FANCD2: variants seen among roughly 807,000 people sequenced by gnomAD.
The protein encoded by FANCD2 is FA complementation group D2.
A neutral mutation model predicts 192.3 loss-of-function variants in FANCD2; 131 were observed. The ratio of observed to expected loss-of-function variants is 0.68; its 90% CI spans 0.59 to 0.79. The LOEUF is 0.79. Among genes scored for constraint, FANCD2 ranks in the 30% least tolerant of loss-of-function variants. The probability of loss-of-function intolerance (pLI) is 0.00; values close to 1 mark genes in which losing one functional copy is unlikely to be tolerated. For missense variants in FANCD2, 1,508 were observed against 1,701.6 expected, an observed-to-expected ratio of 0.89 and a Z score of 2.00; for synonymous variants, 524 against 612.5, an observed-to-expected ratio of 0.86 and a Z score of 2.13.
chr3:10,070,483 C>A (rs1575804574), intron 26 of FANCD2, among the ~76,000 whole-genome samples: 2 of 105,110 alleles, frequency 1.9e-5, no homozygotes, highest in African/African-American at 8.5e-5. Flanking sequence ...CCGGGCCAGC[C>A]TCCCGGTCCG....
intron 26 of FANCD2, among the ~76,000 whole-genome samples, chr3:10,069,883 C>T (rs1271766122): frequency 2.6e-5 from 4 of 151,890 alleles, no homozygotes; most frequent in African/African-American, 9.7e-5. Flanking sequence ...CCGGCCGCCA[C>T]CCCGTCTGGG....
intron 32 of FANCD2, among the ~76,000 whole-genome samples, chr3:10,084,595 T>G (rs1195184636): frequency 6.6e-6 from 1 of 152,190 alleles, no homozygotes; most frequent in Admixed American, 6.5e-5. Context: ...CCACCATACC[T>G]GGCCCAAATT....
chr3:10,066,817 C>G (rs931509477), intron 25 of FANCD2, among the ~76,000 whole-genome samples: 5 of 152,152 alleles, frequency 3.3e-5, no homozygotes, highest in African/African-American at 1.2e-4. Flanking sequence ...CTCCGCCTCC[C>G]AGGTTCAGGC....
intron 32 of FANCD2, among the ~76,000 whole-genome samples, chr3:10,083,985 G>T (rs115349693): frequency 2.0e-3 from 306 of 150,424 alleles, no homozygotes; most frequent in Non-Finnish European, 3.4e-3. Flanking sequence ...TTCTAAACTT[G>T]TTTCCCATGC....
chr3:10,093,985 A>C (rs574416558), intron 39 of FANCD2, among the ~76,000 whole-genome samples: 1 of 152,284 alleles, frequency 6.6e-6, no homozygotes, highest in African/African-American at 2.4e-5. Context: ...TCTTGGGAGT[A>C]AGTTATCCTC....
Position 10,058,525 on chromosome 3 carries a change from T to C in FANCD2, c.1657-1769T>C, listed in dbSNP as rs1185172286. Among the ~76,000 whole-genome samples, 3 of 152,242 alleles carry C rather than the reference T, an allele frequency of 2.0e-5. No individual in the cohort carries two copies. The East Asian group carries it at 5.8e-4, about 29-fold the overall frequency. Reference sequence around the variant, plus strand: ...GTTAATTTTTGTATATAGCTTATTTTAATATTTTAAGGATTTAACGTCATT... The same window carrying C: ...GTTAATTTTTGTATATAGCTTATTTCAATATTTTAAGGATTTAACGTCATT... On this transcript the variant is annotated intron_variant, in intron 18 of 43. Coordinates refer to ENST00000675286, the MANE Select transcript of FANCD2 (RefSeq NM_001018115.3).
At chr3:10,048,187 C>T in intron 16 of FANCD2, 136 bp downstream of exon 16, 1 of 1,138,514 alleles carries the variant, frequency 8.8e-7, no homozygotes, top group East Asian at 2.5e-5. Flanking sequence ...AATTCTAGTC[C>T]CAGCCTTGAT....
Position 10,078,184 on chromosome 3 carries a change from T to C in FANCD2, c.2963T>C (p.Val988Ala), listed in dbSNP as rs2125054738. ...SMLTPPIARRVPFLKNKGSRN... is the reference protein window; with the variant it reads ...SMLTPPIARRAPFLKNKGSRN... ...CTGACACCTCCTATTGCCAGGAGAG[T>C]CCCCTTTCTCAAGGTTAGTGTAGGC... The change falls in exon 30 of 44, where the codon GTC becomes GCC. Residue 988 changes from valine to alanine, a missense_variant. Physicochemically the swap from Val to Ala is moderately conservative, Grantham distance 64. Transcript: ENST00000675286. The C allele has an allele frequency of 6.2e-7, 1 of 1,605,052 alleles. No individual in the cohort carries two copies.
chr3:10,030,096 A>ATT (rs35086642), intron 2 of FANCD2, among the ~76,000 whole-genome samples: 2 of 124,268 alleles, frequency 1.6e-5, no homozygotes, highest in Non-Finnish European at 3.4e-5. Context: ...CCATTATATC[A>ATT]TTTTTTTTTT....
At chr3:10,084,290 C>CTT (rs112071263) in intron 32 of FANCD2, among the ~76,000 whole-genome samples, 29,703 of 142,744 alleles carry the variant, frequency 0.21, 3,749 homozygotes, top group African/African-American at 0.36. Context: ...CTACACCTGG[C>CTT]TTTTTTTTTT....
rs1300601796 is a variant in FANCD2, at chr3:10,054,469, ATATATTTTTTTTTTTTT to A, written c.1656+1974_1656+1990del. On this transcript the variant is annotated intron_variant, in intron 18 of 43. Coordinates refer to ENST00000675286, the MANE Select transcript of FANCD2 (RefSeq NM_001018115.3). ...TACATATATATATATATATATATATATATATTTTTTTTTTTTTTTTTTTTTTTTTTTTGAGATGGAGT... is the reference window on the plus strand; with the variant it reads ...TACATATATATATATATATATATATATTTTTTTTTTTTTTTGAGATGGAGT... 8.4e-3 allele frequency among the ~76,000 whole-genome samples: 188 copies of A among 22,392 alleles called. 1 individual carries two copies. Among genetic ancestry groups the A allele is most frequent in the Non-Finnish European group, 0.012 (167 of 13,816 alleles). The allele number at this position is 22,392 out of a possible 152,430, so 14.7% of individuals were successfully genotyped here. A position where few individuals can be genotyped will look rare whatever the true frequency, so the allele number is the denominator to read the frequency against.
chr3:10,046,684 A>C lies in FANCD2; in HGVS notation c.1239A>C (p.Gln413His). 1.9e-6 allele frequency: 3 copies of C among 1,614,150 alleles called. No individual in the cohort carries two copies. Among genetic ancestry groups the C allele is most frequent in the Non-Finnish European group, 2.5e-6 (3 of 1,179,938 alleles). ...LRNKIRSGCI[Q>H]EQLLQSTFSV... ...ATAAGATTCGATCAGGCTGCATTCA[A>C]GAACAGCTGCTCCAGAGTACATTCT... Residue 413 changes from glutamine to histidine, a missense_variant, in exon 15 of 44, where the codon CAA becomes CAC. Physicochemically the swap from Gln to His is conservative, Grantham distance 24. This residue lies in a region of FANCD2 where 108 missense variants were observed against 174.1 expected (regional missense o/e 0.62). Transcript: ENST00000675286.
intron 15 of FANCD2, among the ~76,000 whole-genome samples, 170 bp downstream of exon 15, chr3:10,046,893 A>G (rs370587913): frequency 1.3e-5 from 2 of 152,302 alleles, no homozygotes; most frequent in East Asian, 3.8e-4. Context: ...AACTTTGACA[A>G]ACTGGCCTTC....
At position 10,067,211 on chromosome 3, in the gene FANCD2, T is replaced by C; in HGVS notation, c.2388T>C (p.Ile796=). The C allele has an allele frequency of 6.3e-7, 1 of 1,599,334 alleles. No individual in the cohort carries two copies. The highest frequency in any genetic ancestry group is 8.6e-7 in the Non-Finnish European group (1 of 1,166,814). ...AGAATGTAATTTGTACTTTGCAGAT[T>C]GTAAATGCCTTCTGCCAGGAAACAT... ...IFLTLNWFRE[I]VNAFCQETSP... The change falls in exon 26 of 44, where the codon ATT becomes ATC. Residue 796 remains isoleucine (I), a splice_region_variant and synonymous_variant. Coordinates refer to ENST00000675286, the MANE Select transcript of FANCD2 (RefSeq NM_001018115.3).
intron 30 of FANCD2, among the ~76,000 whole-genome samples, chr3:10,080,570 A>G (rs1693779262): frequency 6.6e-6 from 1 of 152,222 alleles, no homozygotes; most frequent in African/African-American, 2.4e-5. Context: ...CAGGAGTTTG[A>G]GACCAGCCTG....
intron 7 of FANCD2, among the ~76,000 whole-genome samples, chr3:10,038,171 T>G (rs1409813861): frequency 2.0e-5 from 3 of 152,122 alleles, no homozygotes; most frequent in Non-Finnish European, 4.4e-5. Flanking sequence ...TTGGTATTTT[T>G]AGTAGATATG....
rs2086515115 is a variant in FANCD2, at chr3:10,028,610, C to T, written c.-33-15C>T. ...TCTTCTAGAGGGTAACTTCTGTTTC[C>T]CGATTTTGCTCTAGGAAGTAATTTA... On this transcript the variant is annotated splice_polypyrimidine_tract_variant and intron_variant, in intron 1 of 43. Transcript: ENST00000675286. 6.5e-7 allele frequency: 1 copy of T among 1,536,520 alleles called. No individual in the cohort carries two copies. The highest frequency in any genetic ancestry group is 1.4e-5 in the African/African-American group (1 of 73,236).
intron 25 of FANCD2, 100 bp from the exon 26 acceptor site, chr3:10,067,109 T>G: frequency 1.2e-6 from 1 of 810,620 alleles, no homozygotes; most frequent in Non-Finnish European, 2.1e-6. Context: ...AACTCAAAGA[T>G]CTTGCTTTTC....
intron 41 of FANCD2, 21 bp from the exon 42 acceptor site, chr3:10,096,305 A>G: frequency 6.2e-7 from 1 of 1,613,184 alleles, no homozygotes; most frequent in Admixed American, 1.7e-5. Flanking sequence ...CAAAAGATGG[A>G]TGTTATTTAT....
Sources: allele counts gnomAD v4.1 joint callset (sites outside exome capture counted in the v4.1 genomes callset), GRCh38; gene constraint gnomAD v4.1.1; regional missense constraint gnomAD v4.1.1; transcripts MANE v1.5; gene names NCBI Gene and HGNC (gene_info 2026-07-23, HGNC 2026-07-21).